The following FGF13 variants were observed in gnomAD, a reference collection of about 807,000 sequenced individuals.
FGF13 encodes the protein fibroblast growth factor 13, also known as fibroblast growth factor homologous factor 2.
FGF13 carries 2 observed loss-of-function variants against 19.5 expected under a neutral mutation model. That is an observed-to-expected ratio of 0.10 (90% CI 0.04 to 0.32). The LOEUF (loss-of-function observed/expected upper bound fraction) is 0.32. Among genes scored for constraint, FGF13 ranks in the 10% least tolerant of loss-of-function variants. The pLI is 1.00. For synonymous variants in FGF13, 72 were observed against 76.9 expected (o/e 0.94, Z 0.33); for missense variants, 113 against 192.7 (o/e 0.59, Z 2.45).
At chrX:139,032,752 T>C (rs753831338) in intron 1 of FGF13, among the ~76,000 whole-genome samples, 4 of 110,257 alleles carry the variant, frequency 3.6e-5, no homozygotes, top group East Asian at 2.9e-4. Context: ...CACTGCTTCC[T>C]GCTCTGCTGG....
intron 1 of FGF13, among the ~76,000 whole-genome samples, chrX:139,041,420 C>T (rs920993158): frequency 2.7e-5 from 3 of 110,966 alleles, no homozygotes; most frequent in Non-Finnish European, 3.8e-5. Flanking sequence ...GAGATTATAA[C>T]GTGCATACAA....
At chrX:139,153,641 G>T (rs747764178) in intron 1 of FGF13, among the ~76,000 whole-genome samples, 119 of 111,623 alleles carry the variant, frequency 1.1e-3, no homozygotes, top group Non-Finnish European at 1.7e-3. Flanking sequence ...AGCCACTGTT[G>T]TGAGTTAAAT....
At position 138,703,071 on chromosome X, in the gene FGF13, G is replaced by C. The variant is rs2089963134; in HGVS notation, c.315C>G (p.Ile105Met). The part of the protein sequence containing the change: ...EDSTYTLFNL[I>M]PVGLRVVAIQ... ...TAGCCACCACTCGCAGACCCACAGG[G>C]ATGAGGTTAAACAGAGCTGAAATTA... Residue 105 changes from isoleucine (I) to methionine (M), a missense_variant, in exon 3 of 5, where the codon ATC (isoleucine) becomes ATG (methionine). This residue lies in a region of FGF13 where 51 missense variants were observed against 78.5 expected (regional missense o/e 0.65). Transcript: ENST00000315930. 2 of 1,200,974 alleles carry C rather than the reference G, an allele frequency of 1.7e-6. No homozygotes were observed. Among genetic ancestry groups the C allele is most frequent in the Non-Finnish European group, 2.3e-6 (2 of 886,749 alleles).
At chrX:138,743,274 A>G (rs1321276848), upstream of FGF13, among the ~76,000 whole-genome samples, 3 of 111,808 alleles carry the variant, frequency 2.7e-5, no homozygotes, top group African/African-American at 9.8e-5. Context: ...ACTAAGTGAA[A>G]GAAGCCAATC....
intron 2 of FGF13, chrX:138,857,776 C>A: frequency 1.4e-6 from 1 of 735,457 alleles, no homozygotes; most frequent in Non-Finnish European, 1.9e-6. Flanking sequence ...ACTAAAGAAA[C>A]AACAGCCCTA....
At chrX:139,038,293 C>T (rs2092257167) in intron 1 of FGF13, among the ~76,000 whole-genome samples, 1 of 110,713 alleles carries the variant, frequency 9.0e-6, no homozygotes, top group African/African-American at 3.3e-5. Context: ...AACCTTAAAC[C>T]CCGACCACAG....
intron 1 of FGF13, among the ~76,000 whole-genome samples, chrX:139,115,765 T>C (rs1486824392): frequency 1.8e-5 from 2 of 112,957 alleles, no homozygotes; most frequent in Non-Finnish European, 3.7e-5. Flanking sequence ...AATTGTTCAT[T>C]TTCTTTCAGT....
At chrX:139,141,488 CTT>C (rs1257372898) in intron 1 of FGF13, among the ~76,000 whole-genome samples, 1 of 111,976 alleles carries the variant, frequency 8.9e-6, no homozygotes, top group Non-Finnish European at 1.9e-5. Context: ...CCAGCACCGT[CTT>C]ATCCACCCTC....
At chrX:139,160,490 C>G (rs893553840) in intron 1 of FGF13, among the ~76,000 whole-genome samples, 6 of 110,932 alleles carry the variant, frequency 5.4e-5, no homozygotes, top group African/African-American at 2.0e-4. Flanking sequence ...TAACTAAGAT[C>G]AGAGCAGAAC....
In FGF13 at chrX:138,892,678, A is replaced by G. The variant is rs1603006344; in HGVS notation, c.-112-28028T>C. Among the ~76,000 whole-genome samples, 3 of 110,855 alleles carry G rather than the reference A, an allele frequency of 2.7e-5. No individual in the cohort carries two copies. The Admixed American group carries it at 2.9e-4, about 11-fold the overall frequency. On this transcript the variant is annotated intron_variant, in intron 1 of 2. Transcript: ENST00000421460. Reference sequence around the variant, plus strand: ...AGGAGTGACCAGGGATCAGGCTGCCAAGAATAGCTGGTGCTTAGTGGGGAG... The same window carrying G: ...AGGAGTGACCAGGGATCAGGCTGCCGAGAATAGCTGGTGCTTAGTGGGGAG...
chrX:139,198,683 G>T (rs1435071301), intron 1 of FGF13, among the ~76,000 whole-genome samples: 1 of 111,145 alleles, frequency 9.0e-6, no homozygotes, highest in Non-Finnish European at 1.9e-5. Flanking sequence ...TATATCCATT[G>T]TGCCCTAAGA....
rs1303771802 is a variant in FGF13 at position 139,162,128 on chromosome X, A to C, written c.-113+41288T>G. ...CAAAAAGAACAAAGCTGGAGGCATC[A>C]CGCTACCTGACTTCAAACTACACTA... is the stretch of plus-strand genomic sequence containing the variant. On this transcript the variant is annotated intron_variant, in intron 1 of 2. Coordinates refer to the FGF13 transcript ENST00000421460. Among the ~76,000 whole-genome samples the C allele has an allele frequency of 3.6e-4, 40 of 112,406 alleles. 1 individual carries two copies. In the Admixed American group the frequency reaches 3.8e-3, roughly 11 times the overall value.
intron 1 of FGF13, among the ~76,000 whole-genome samples, chrX:139,115,022 T>C (rs2083629170): frequency 8.9e-6 from 1 of 111,958 alleles, no homozygotes; most frequent in South Asian, 3.7e-4. Context: ...CTTTCAATCA[T>C]AAGTCCTTCT....
At chrX:139,156,442 T>C (rs2083977378) in intron 1 of FGF13, among the ~76,000 whole-genome samples, 1 of 112,245 alleles carries the variant, frequency 8.9e-6, no homozygotes, top group African/African-American at 3.2e-5. Flanking sequence ...TATGTGTACA[T>C]GATTACAATG....
intron 3 of FGF13, among the ~76,000 whole-genome samples, chrX:138,749,903 G>C (rs1047553611): frequency 1.8e-5 from 2 of 112,080 alleles, no homozygotes; most frequent in African/African-American, 6.5e-5. Context: ...GACTTGGTCA[G>C]ATTGGCATTT....
intron 3 of FGF13, among the ~76,000 whole-genome samples, chrX:138,646,724 C>A (rs1238642741): frequency 9.0e-6 from 1 of 111,577 alleles, no homozygotes; most frequent in African/African-American, 3.3e-5. Context: ...AGCACCTTTA[C>A]TGAAATTAGG....
At chrX:138,977,164 A>T (rs1488103888) in intron 1 of FGF13, among the ~76,000 whole-genome samples, 1 of 112,106 alleles carries the variant, frequency 8.9e-6, no homozygotes, top group Non-Finnish European at 1.9e-5. Flanking sequence ...GGCCCAAAGC[A>T]GTGCCTGGAT....
chrX:139,022,595 A>T (rs1424401973), intron 1 of FGF13, among the ~76,000 whole-genome samples: 2 of 111,154 alleles, frequency 1.8e-5, no homozygotes, highest in East Asian at 5.7e-4. Context: ...TGTGCTGCTG[A>T]CAGTGACTTT....
intron 3 of FGF13, among the ~76,000 whole-genome samples, chrX:138,779,434 T>C (rs1212198048): frequency 9.1e-6 from 1 of 109,633 alleles, no homozygotes; most frequent in Non-Finnish European, 1.9e-5. Context: ...TAGAAGAATG[T>C]ATAACTAGAA....
Sources: gnomAD v4.1 joint callset for allele counts (sites outside exome capture counted in the v4.1 genomes callset) on GRCh38, gnomAD v4.1.1 for gene constraint, gnomAD v4.1.1 regional missense constraint, MANE v1.5 for transcripts, NCBI Gene and HGNC (gene_info 2026-07-23, HGNC 2026-07-21) for gene names.